The following SLC35F4 variants were observed in gnomAD, a reference collection of about 807,000 sequenced individuals.
SLC35F4 encodes the protein solute carrier family 35 member F4.
A neutral mutation model predicts 44.2 loss-of-function variants in SLC35F4; 24 were observed. The observed-to-expected ratio is 0.54, with a 90% CI of 0.39 to 0.76. The LOEUF (loss-of-function observed/expected upper bound fraction) is 0.76, where lower values mean the gene tolerates loss of function less well. Ranked by LOEUF, SLC35F4 falls within the 30% of genes least tolerant of loss-of-function variation. The pLI is 0.00. For missense variants in SLC35F4, 562 were observed against 586.1 expected, an observed-to-expected ratio of 0.96 and a Z score of 0.42; for synonymous variants, 238 against 223.6, an observed-to-expected ratio of 1.06 and a Z score of -0.57.
chr14:57,864,490 G>A (rs1887951867), intron 1 of SLC35F4, among the ~76,000 whole-genome samples: 1 of 152,198 alleles, frequency 6.6e-6, no homozygotes, highest in African/African-American at 2.4e-5. Flanking sequence ...AAATATCTGT[G>A]TGAGAACAGC....
chr14:57,623,366 G>T (rs1173299409), intron 1 of SLC35F4, among the ~76,000 whole-genome samples: 1 of 152,132 alleles, frequency 6.6e-6, no homozygotes, highest in East Asian at 1.9e-4. Context: ...AATAGTGGAA[G>T]ACTTTAACAC....
At chr14:57,894,987 A>G (rs1888842856) in intron 1 of SLC35F4, among the ~76,000 whole-genome samples, 1 of 152,150 alleles carries the variant, frequency 6.6e-6, no homozygotes, top group Non-Finnish European at 1.5e-5. Context: ...CTTACACATC[A>G]CTGCCAGGTC....
At chr14:57,902,016 A>T (rs1168199344) in intron 1 of SLC35F4, among the ~76,000 whole-genome samples, 1 of 152,206 alleles carries the variant, frequency 6.6e-6, no homozygotes, top group Non-Finnish European at 1.5e-5. Flanking sequence ...CCCTGGAAGC[A>T]AATTTGCCTT....
intron 1 of SLC35F4, among the ~76,000 whole-genome samples, chr14:57,723,928 T>C (rs1462682332): frequency 6.6e-6 from 1 of 152,138 alleles, no homozygotes; most frequent in Non-Finnish European, 1.5e-5. Context: ...CAACTAAAAT[T>C]CAGGGATCTT....
chr14:57,981,508 A>G (rs1054361859), intron 1 of SLC35F4, among the ~76,000 whole-genome samples: 2 of 152,140 alleles, frequency 1.3e-5, no homozygotes, highest in Non-Finnish European at 2.9e-5. Flanking sequence ...TGTAATTTGA[A>G]TATTTTTTTT....
chr14:57,891,853 T>G (rs1467989348), intron 1 of SLC35F4, among the ~76,000 whole-genome samples: 1 of 152,148 alleles, frequency 6.6e-6, no homozygotes, highest in Non-Finnish European at 1.5e-5. Flanking sequence ...TCCAGCCTGG[T>G]GACAGAGCAA....
intron 6 of SLC35F4, among the ~76,000 whole-genome samples, chr14:57,568,036 A>G (rs2068289739): frequency 6.6e-6 from 1 of 152,214 alleles, no homozygotes; most frequent in African/African-American, 2.4e-5. Flanking sequence ...GGCAATAAAC[A>G]CTTAGGAATA....
At position 57,815,648 on chromosome 14, in the gene SLC35F4, A is replaced by C. The variant is rs564460968; in HGVS notation, c.103+50075T>G. ...TATGACCTAGCTTCTGGCAAGGCAG[A>C]ATTTACTTAAGGATGCATCATTGTC... On this transcript the variant is annotated intron_variant, in intron 1 of 7. Transcript: ENST00000556826. Among the ~76,000 whole-genome samples, 6 of 152,216 alleles carry C rather than the reference A, an allele frequency of 3.9e-5. No individual in the cohort carries two copies. In the East Asian group the frequency reaches 1.2e-3, roughly 29 times the overall value.
chr14:57,719,964 T>C (rs1417069726), intron 1 of SLC35F4, among the ~76,000 whole-genome samples: 3 of 152,182 alleles, frequency 2.0e-5, no homozygotes, highest in Non-Finnish European at 2.9e-5. Context: ...ATGGTTTTTA[T>C]TATGTTGTGG....
rs142073061 is a variant in SLC35F4 at position 57,848,000 on chromosome 14, C to T, written c.103+17723G>A. Among the ~76,000 whole-genome samples, 661 of 152,064 alleles carry T rather than the reference C, an allele frequency of 4.3e-3. 2 individuals carry two copies. The highest frequency in any genetic ancestry group is 6.1e-3 in the Non-Finnish European group (416 of 67,970). On this transcript the variant is annotated intron_variant, in intron 1 of 7. Transcript: ENST00000556826. ...TTTTAAAGGCATAAATCCATAAAAACGGAAGAATCAGGAAAGAAGATAATT... is the reference window on the plus strand; with the variant it reads ...TTTTAAAGGCATAAATCCATAAAAATGGAAGAATCAGGAAAGAAGATAATT...
At chr14:57,980,090 G>A (rs567431525) in intron 1 of SLC35F4, among the ~76,000 whole-genome samples, 175 of 152,284 alleles carry the variant, frequency 1.1e-3, no homozygotes, top group Middle Eastern at 3.4e-3. Flanking sequence ...ATCAGACTCT[G>A]CTTAGACTAG....
At chr14:57,821,566 G>A (rs913806363) in intron 1 of SLC35F4, among the ~76,000 whole-genome samples, 1 of 152,216 alleles carries the variant, frequency 6.6e-6, no homozygotes, top group Non-Finnish European at 1.5e-5. Context: ...AAATGTAATA[G>A]GAAAGTTCAC....
At chr14:57,858,929 T>G (rs1887409198) in intron 1 of SLC35F4, among the ~76,000 whole-genome samples, 1 of 141,046 alleles carries the variant, frequency 7.1e-6, no homozygotes, top group Non-Finnish European at 1.5e-5. Context: ...CAAAACCTGA[T>G]CTCTAAAAAA....
At chr14:57,973,189 T>C (rs966010803), downstream of SLC35F4, among the ~76,000 whole-genome samples, 2 of 152,176 alleles carry the variant, frequency 1.3e-5, no homozygotes, top group Non-Finnish European at 2.9e-5. Flanking sequence ...CTATTCTCAT[T>C]ACCTGTTGTA....
intron 1 of SLC35F4, among the ~76,000 whole-genome samples, chr14:57,938,811 T>A (rs1889863118): frequency 6.6e-6 from 1 of 152,172 alleles, no homozygotes; most frequent in Admixed American, 6.5e-5. Flanking sequence ...GGCATTCGAC[T>A]GATTGGGACA....
chr14:57,836,680 G>A (rs1884967761), intron 1 of SLC35F4, among the ~76,000 whole-genome samples: 1 of 152,062 alleles, frequency 6.6e-6, no homozygotes, highest in Non-Finnish European at 1.5e-5. Context: ...CATGTACTCA[G>A]CACAGCAAAT....
At chr14:57,725,256 T>C (rs543106579) in intron 1 of SLC35F4, among the ~76,000 whole-genome samples, 2 of 152,254 alleles carry the variant, frequency 1.3e-5, no homozygotes, top group Admixed American at 1.3e-4. Context: ...CTCAGCAACA[T>C]GGACTTCCAC....
chr14:57,961,058 G>A (rs979170409), intron 1 of SLC35F4, among the ~76,000 whole-genome samples: 18 of 152,220 alleles, frequency 1.2e-4, no homozygotes, highest in South Asian at 6.2e-4. Context: ...GCTCTGGCTC[G>A]TCAAGAAGAT....
intron 1 of SLC35F4, among the ~76,000 whole-genome samples, chr14:57,619,401 G>A (rs190111397): frequency 4.6e-5 from 7 of 152,268 alleles, no homozygotes; most frequent in African/African-American, 1.7e-4. Flanking sequence ...AGGCAAAAAA[G>A]GTCTGGAGTG....
Sources: allele counts gnomAD v4.1 joint callset (sites outside exome capture counted in the v4.1 genomes callset), GRCh38; gene constraint gnomAD v4.1.1; transcripts MANE v1.5; gene names NCBI Gene and HGNC (gene_info 2026-07-23, HGNC 2026-07-21).